SUMF1: variants seen among roughly 807,000 people sequenced by gnomAD.
SUMF1 encodes sulfatase modifying factor 1, also known as formylglycine-generating enzyme.
A neutral mutation model predicts 47.6 loss-of-function variants in SUMF1; 48 were observed. That is an observed-to-expected ratio of 1.01 (90% CI 0.80 to 1.28). The LOEUF is 1.28. Among genes scored for constraint, SUMF1 ranks in the 50% most tolerant of loss-of-function variants. The probability of loss-of-function intolerance (pLI) is 0.00; values close to 1 mark genes in which losing one functional copy is unlikely to be tolerated. For synonymous variants in SUMF1, 230 were observed against 192.1 expected (o/e 1.20, Z -1.63); for missense variants, 571 against 485.4 (o/e 1.18, Z -1.66).
At chr3:4,204,488 A>C (rs978556254) in intron 8 of SUMF1, among the ~76,000 whole-genome samples, 1 of 152,084 alleles carries the variant, frequency 6.6e-6, no homozygotes. Flanking sequence ...TTGGTGTTCT[A>C]TAACCTTCTT....
chr3:4,289,231 T>C (rs1427383246), intron 8 of SUMF1, among the ~76,000 whole-genome samples: 1 of 152,226 alleles, frequency 6.6e-6, no homozygotes, highest in African/African-American at 2.4e-5. Context: ...GAGGCCAAGA[T>C]AGTCCCACTT....
chr3:4,388,148 A>T (rs72999431), intron 7 of SUMF1, among the ~76,000 whole-genome samples: 44,992 of 151,862 alleles, frequency 0.3, 7,433 homozygotes, highest in East Asian at 0.54. Flanking sequence ...TGTACTATCA[A>T]TTATTGAGAA....
downstream of SUMF1, among the ~76,000 whole-genome samples, chr3:4,358,250 T>A (rs953224885): frequency 2.0e-5 from 3 of 152,102 alleles, no homozygotes; most frequent in Non-Finnish European, 4.4e-5. Context: ...ATAAAGACCG[T>A]CCAGGATTCA....
At chr3:4,418,408 T>G (rs1323872271) in intron 4 of SUMF1, among the ~76,000 whole-genome samples, 1 of 152,242 alleles carries the variant, frequency 6.6e-6, no homozygotes, top group Non-Finnish European at 1.5e-5. Flanking sequence ...GTCATTGGTA[T>G]GGCAGATGCG....
intron 8 of SUMF1, among the ~76,000 whole-genome samples, chr3:4,209,957 C>T (rs139625712): frequency 1.1e-4 from 17 of 152,218 alleles, no homozygotes; most frequent in South Asian, 2.1e-4. Flanking sequence ...TGCAGTGGCA[C>T]GATCTCAGCT....
At chr3:4,419,239 A>T (rs1001460596) in intron 4 of SUMF1, among the ~76,000 whole-genome samples, 8 of 152,204 alleles carry the variant, frequency 5.3e-5, no homozygotes, top group African/African-American at 1.7e-4. Context: ...GAATCCTATG[A>T]CTTTCCACCT....
intron 9 of SUMF1, among the ~76,000 whole-genome samples, chr3:4,047,334 C>T (rs1695024230): frequency 1.3e-5 from 2 of 152,134 alleles, no homozygotes; most frequent in Non-Finnish European, 1.5e-5. Flanking sequence ...TATTTCACTG[C>T]TATATCCCCA....
At chr3:4,294,878 A>G (rs879410753) in intron 8 of SUMF1, among the ~76,000 whole-genome samples, 154 of 117,572 alleles carry the variant, frequency 1.3e-3, no homozygotes, top group Non-Finnish European at 1.2e-3. Context: ...TGGACTAACT[A>G]TATGTGTGAG....
In SUMF1 at chr3:4,398,007, T is replaced by A. The variant is rs1701091587; in HGVS notation, c.954+12858A>T. Among the ~76,000 whole-genome samples, 3 of 152,244 alleles carry A rather than the reference T, an allele frequency of 2.0e-5. No individual in the cohort carries two copies. In the South Asian group the frequency reaches 6.2e-4, roughly 32 times the overall value. On this transcript the variant is annotated intron_variant, in intron 7 of 8. Coordinates refer to ENST00000272902, the MANE Select transcript of SUMF1 (RefSeq NM_182760.4). ...TAAAGGGTATTACTATTTCCTCACT[T>A]ACAGATGAGGAAGCTGGGTGAAAGG... is the stretch of plus-strand genomic sequence containing the variant.
intron 9 of SUMF1, among the ~76,000 whole-genome samples, chr3:4,043,753 T>C (rs1423641289): frequency 6.6e-6 from 1 of 152,206 alleles, no homozygotes; most frequent in Non-Finnish European, 1.5e-5. Flanking sequence ...GAAAACACTC[T>C]TTGAATACCT....
At chr3:4,314,152 GA>G (rs944085417) in intron 8 of SUMF1, 50 of 243,486 alleles carry the variant, frequency 2.1e-4, no homozygotes, top group African/African-American at 1.1e-3. Context: ...CCATTGCATA[GA>G]AAAATCAACA....
chr3:4,239,500 AG>A (rs1449617801), intron 8 of SUMF1, among the ~76,000 whole-genome samples: 1 of 152,126 alleles, frequency 6.6e-6, no homozygotes, highest in African/African-American at 2.4e-5. Flanking sequence ...ATCCCTTGTA[AG>A]TTGGATTCCT....
At chr3:4,365,795 CAGTTTCTTCCTAGT>C (rs1699932387) in intron 8 of SUMF1, among the ~76,000 whole-genome samples, 3 of 151,098 alleles carry the variant, frequency 2.0e-5, no homozygotes, top group Admixed American at 2.0e-4. Flanking sequence ...TTAGTTGATG[CAGTTTCTTCCTAGT>C]CTCGATGGTC....
chr3:4,338,292 A>T (rs1699196803), intron 8 of SUMF1, among the ~76,000 whole-genome samples: 1 of 152,130 alleles, frequency 6.6e-6, no homozygotes, highest in African/African-American at 2.4e-5. Flanking sequence ...AAAGAAAAAA[A>T]AAAAAGATAC....
chr3:4,207,825 C>G (rs1455308722), intron 8 of SUMF1, among the ~76,000 whole-genome samples: 2 of 152,126 alleles, frequency 1.3e-5, no homozygotes, highest in South Asian at 4.1e-4. Flanking sequence ...CAGAAACTCA[C>G]AAGAAGAAAT....
chr3:4,218,591 G>A (rs868299603), intron 8 of SUMF1, among the ~76,000 whole-genome samples: 4 of 152,128 alleles, frequency 2.6e-5, no homozygotes, highest in Non-Finnish European at 5.9e-5. Context: ...GGCATTCAGC[G>A]CAGAGCAAAT....
intron 8 of SUMF1, among the ~76,000 whole-genome samples, chr3:4,108,263 T>C (rs1209176568): frequency 1.3e-5 from 2 of 152,168 alleles, no homozygotes; most frequent in South Asian, 2.1e-4. Flanking sequence ...TCCTGAGTTC[T>C]AGTTTGACTG....
chr3:4,458,916 A>G (rs1482823636), intron 1 of SUMF1, among the ~76,000 whole-genome samples: 4 of 152,240 alleles, frequency 2.6e-5, no homozygotes, highest in African/African-American at 9.6e-5. Flanking sequence ...CCTAGTGGAC[A>G]GTATGCTATG....
intron 8 of SUMF1, among the ~76,000 whole-genome samples, chr3:4,108,981 T>A (rs1162831145): frequency 6.6e-6 from 1 of 152,110 alleles, no homozygotes; most frequent in Non-Finnish European, 1.5e-5. Flanking sequence ...TGTTAGCTGG[T>A]GATTTTGCTC....
Sources: allele counts gnomAD v4.1 joint callset (sites outside exome capture counted in the v4.1 genomes callset), GRCh38; gene constraint gnomAD v4.1.1; transcripts MANE v1.5; gene names NCBI Gene and HGNC (gene_info 2026-07-23, HGNC 2026-07-21).